Variants in PMCH observed in about 807,000 individuals in gnomAD.
PMCH encodes pro-melanin concentrating hormone.
In PMCH, 8 loss-of-function variants were observed where a neutral mutation model predicts 15.9. That is an observed-to-expected ratio of 0.50 (90% CI 0.29 to 0.91). The LOEUF (loss-of-function observed/expected upper bound fraction) is 0.91, where lower values mean the gene tolerates loss of function less well. Among genes scored for constraint, PMCH ranks in the 40% least tolerant of loss-of-function variants. The pLI is 0.07. For synonymous variants in PMCH, 73 were observed against 63.8 expected (o/e 1.14, Z -0.69); for missense variants, 169 against 185.7 (o/e 0.91, Z 0.52).
chr12:102,197,104 A>T lies in PMCH; in HGVS notation c.317T>A (p.Leu106His). Residue 106 changes from leucine to histidine, a missense_variant, in exon 2 of 3, where the codon CTT becomes CAT. Physicochemically the swap from Leu to His is moderately conservative, Grantham distance 99. Coordinates refer to ENST00000329406, the MANE Select transcript of PMCH (RefSeq NM_002674.4). ...LPLNLAIKPY[L>H]ALKGSVAFPA... ...GAAAGCTACAGATCCTTTTAGTGCA[A>T]GATAAGGTTTTATAGCCAGATTCAG... 1 of 1,612,308 alleles carries T rather than the reference A, an allele frequency of 6.2e-7. No individual in the cohort carries two copies. Among genetic ancestry groups the T allele is most frequent in the East Asian group, 2.2e-5 (1 of 44,802 alleles).
Position 102,197,184 on chromosome 12 carries a change from G to T in PMCH, c.250-13C>A. On this transcript the variant is annotated splice_polypyrimidine_tract_variant and intron_variant, in intron 1 of 2. Coordinates refer to ENST00000329406, the MANE Select transcript of PMCH (RefSeq NM_002674.4). ...TGGAGCCTGTGTTCTGTAAAGAGAAGGTTGATTTGGTTTTTAGCTATCGTA... is the reference window on the plus strand; with the variant it reads ...TGGAGCCTGTGTTCTGTAAAGAGAATGTTGATTTGGTTTTTAGCTATCGTA... The T allele has an allele frequency of 6.3e-7, 1 of 1,598,880 alleles. No individual in the cohort carries two copies. The highest frequency in any genetic ancestry group is 8.6e-7 in the Non-Finnish European group (1 of 1,168,130).
rs1052832421 is a variant in PMCH, at chr12:102,196,532, A to G, written c.*120T>C. ...TCAGTTACTGATACATCTTAACACT[A>G]CTTTCTTTTAAAACAGACATTTAAC... On this transcript the variant is annotated 3_prime_UTR_variant, in exon 3 of 3. Coordinates refer to ENST00000329406, the MANE Select transcript of PMCH (RefSeq NM_002674.4). The G allele has an allele frequency of 7.3e-6, 6 of 817,752 alleles. No homozygotes were observed. The highest frequency in any genetic ancestry group is 1.1e-5 in the Non-Finnish European group (5 of 471,648). The allele number at this position is 817,752 out of a possible 1,614,324, so 50.7% of individuals were successfully genotyped here.
At chr12:102,197,251 G>C in intron 1 of PMCH, 80 bp from the exon 2 acceptor site, 3 of 1,177,524 alleles carry the variant, frequency 2.5e-6, no homozygotes, top group Non-Finnish European at 3.6e-6. Context: ...TATTCTTGTT[G>C]ATCAATTCAA....
rs754724347 is a variant in PMCH at position 102,197,048 on chromosome 12, A to T, written c.373T>A (p.Ser125Thr). ...PAENGVQNTE[S>T]TQEKREIGDE... is the part of the protein sequence containing the mutation. ...CCAATTTCTCTCTTTTCTTGTGTTG[A>T]TTCAGTATTCTGAACTCCATTCTCA... The change falls in exon 2 of 3, where the codon TCA (serine) becomes ACA (threonine). Residue 125 changes from serine to threonine, a missense_variant. Physicochemically the swap from Ser to Thr is moderately conservative, Grantham distance 58 (BLOSUM62 1). Coordinates refer to ENST00000329406, the MANE Select transcript of PMCH (RefSeq NM_002674.4). 1 of 1,612,080 alleles carries T rather than the reference A, an allele frequency of 6.2e-7. No individual in the cohort carries two copies. Among genetic ancestry groups the T allele is most frequent in the Non-Finnish European group, 8.5e-7 (1 of 1,178,666 alleles).
At chr12:102,197,350 T>C (rs1891405225) in intron 1 of PMCH, 172 bp downstream of exon 1, 4 of 809,888 alleles carry the variant, frequency 4.9e-6, no homozygotes, top group Non-Finnish European at 5.7e-6. Context: ...AGGTGTTTGC[T>C]GGGATGGAAG....
chr12:102,197,376 A>C (rs1891407456), intron 1 of PMCH, 146 bp downstream of exon 1: 1 of 845,198 alleles, frequency 1.2e-6, no homozygotes, highest in African/African-American at 1.7e-5. Flanking sequence ...CCTGGCATGT[A>C]AGAAATATCG....
intron 1 of PMCH, 88 bp downstream of exon 1, chr12:102,197,434 A>C: frequency 8.2e-7 from 1 of 1,219,616 alleles, no homozygotes; most frequent in Admixed American, 2.2e-5. Context: ...ACTTCTGTTT[A>C]TAAAAGTATC....
chr12:102,196,561 C>T lies in PMCH; in HGVS notation c.*91G>A. ...TCTTTTAAAACAGACATTTAACATA[C>T]ACAAGTTATAGTAGCAGTATGGGCT... is the stretch of plus-strand genomic sequence containing the variant. On this transcript the variant is annotated 3_prime_UTR_variant, in exon 3 of 3. Coordinates refer to ENST00000329406, the MANE Select transcript of PMCH (RefSeq NM_002674.4). 2 of 922,174 alleles carry T rather than the reference C, an allele frequency of 2.2e-6. No individual in the cohort carries two copies. Among genetic ancestry groups the T allele is most frequent in the Non-Finnish European group, 3.6e-6 (2 of 555,402 alleles). 57.1% of individuals were successfully genotyped at this position (922,174 alleles called of 1,614,324 possible).
Position 102,196,642 on chromosome 12 carries a change from C to T in PMCH, c.*10G>A. On this transcript the variant is annotated 3_prime_UTR_variant, in exon 3 of 3. Transcript: ENST00000329406. ...TTTTCTTCTGAAAAGATGATGTGGA[C>T]CAACAGGTATCAGACTTGCCAACAA... The T allele has an allele frequency of 6.3e-7, 1 of 1,599,094 alleles. No individual in the cohort carries two copies. The highest frequency in any genetic ancestry group is 8.6e-7 in the Non-Finnish European group (1 of 1,166,748).
At chr12:102,197,414 G>C in intron 1 of PMCH, 108 bp downstream of exon 1, 2 of 1,052,742 alleles carry the variant, frequency 1.9e-6, no homozygotes, top group Non-Finnish European at 2.8e-6. Context: ...TATTGTGACT[G>C]TTTGCATATA....
At position 102,197,213 on chromosome 12, in the gene PMCH, G is replaced by A. The variant is rs201464040; in HGVS notation, c.250-42C>T. On this transcript the variant is annotated intron_variant, in intron 1 of 2. Coordinates refer to ENST00000329406, the MANE Select transcript of PMCH (RefSeq NM_002674.4). ...GATTTGGTTTTTAGCTATCGTATTC[G>A]GAGTGGAACTATAATACAATTGTAT... is the stretch of plus-strand genomic sequence containing the variant. The A allele has an allele frequency of 3.8e-5, 52 of 1,386,528 alleles. No individual in the cohort carries two copies. The East Asian group carries it at 5.7e-4, about 15-fold the overall frequency. 85.9% of individuals were successfully genotyped at this position (1,386,528 alleles called of 1,614,324 possible).
rs771909727 is a variant in PMCH, at chr12:102,197,709, C to A, written c.62G>T (p.Gly21Val). ...GGACTTGGATGCTGAAAGTAAAATA[C>A]CTTGAGAAAACAAAGAAAAAGTTAG... Reference protein sequence around the residue: ...LILTFSLFSQGILLSASKSIR... With the variant: ...LILTFSLFSQVILLSASKSIR... Residue 21 changes from glycine to valine, a missense_variant, in exon 1 of 3, where the codon GGT becomes GTT. Transcript: ENST00000329406. 5.6e-5 allele frequency: 90 copies of A among 1,606,008 alleles called. No individual in the cohort carries two copies. The highest frequency in any genetic ancestry group is 1.6e-4 in the Middle Eastern group (1 of 6,062).
intron 1 of PMCH, 126 bp downstream of exon 1, chr12:102,197,396 C>G: frequency 1.1e-6 from 1 of 905,014 alleles, no homozygotes; most frequent in Non-Finnish European, 1.7e-6. Context: ...GTCAGTCGTC[C>G]TAATGCATAT....
In PMCH at chr12:102,197,746, A is replaced by G. The variant is rs749970596; in HGVS notation, c.25T>C (p.Tyr9His). 3.8e-6 allele frequency: 6 copies of G among 1,585,878 alleles called. No individual in the cohort carries two copies. The highest frequency in any genetic ancestry group is 4.3e-6 in the Non-Finnish European group (5 of 1,164,628). Residue 9 changes from tyrosine (Y) to histidine (H), a missense_variant, in exon 1 of 3, where the codon TAT (tyrosine) becomes CAT (histidine). Transcript: ENST00000329406. MAKMNLSS[Y>H]ILILTFSLFS... ...AAAGAAAAAGTTAGTATTAATATAT[A>G]GGAAGAGAGATTCATTTTTGCCATT...
chr12:102,197,119 G>T lies in PMCH; in HGVS notation c.302C>A (p.Ala101Asp), dbSNP rs1484831934. ...TTTTAGTGCAAGATAAGGTTTTATA[G>T]CCAGATTCAGTGGCAGACCATGATT... is the stretch of plus-strand genomic sequence containing the variant. ...FLNHGLPLNL[A>D]IKPYLALKGS... The change falls in exon 2 of 3, where the codon GCT (alanine) becomes GAT (aspartate). Residue 101 changes from alanine to aspartate, a missense_variant. Physicochemically the swap from Ala to Asp is moderately radical, Grantham distance 126 (BLOSUM62 -2). Coordinates refer to ENST00000329406, the MANE Select transcript of PMCH (RefSeq NM_002674.4). The T allele has an allele frequency of 6.2e-7, 1 of 1,612,120 alleles. No individual in the cohort carries two copies. Among genetic ancestry groups the T allele is most frequent in the Non-Finnish European group, 8.5e-7 (1 of 1,178,670 alleles).
Position 102,196,708 on chromosome 12 carries a change from G to A in PMCH, c.449-7C>T, listed in dbSNP as rs1891340552. The A allele has an allele frequency of 6.2e-7, 1 of 1,603,780 alleles. No individual in the cohort carries two copies. The stretch of plus-strand genomic sequence containing the variant: ...CCCAGCATACATCTGAGCACTGAAG[G>A]AAGAAGAAAGTTTAAATTGTTTAAA... On this transcript the variant is annotated splice_polypyrimidine_tract_variant and splice_region_variant and intron_variant, in intron 2 of 2. Transcript: ENST00000329406.
Position 102,196,626 on chromosome 12 carries a change from GA to G in PMCH, c.*25del. 1 of 1,571,994 alleles carries G rather than the reference GA, an allele frequency of 6.4e-7. No homozygotes were observed. ...CAATTAAATGCTTTTATTTTCTTCT[GA>G]AAAGATGATGTGGACCAACAGGTAT... is the stretch of plus-strand genomic sequence containing the variant. On this transcript the variant is annotated 3_prime_UTR_variant, in exon 3 of 3. Transcript: ENST00000329406.
In PMCH at chr12:102,197,613, G is replaced by A. The variant is rs1273573247; in HGVS notation, c.158C>T (p.Thr53Ile). The A allele has an allele frequency of 6.2e-6, 10 of 1,611,522 alleles. No homozygotes were observed. Among genetic ancestry groups the A allele is most frequent in the Non-Finnish European group, 8.5e-6 (10 of 1,178,316 alleles). ...AGGAGCAATAACTGATTTTTCTGCA[G>A]TGTCTTCCTTCTGAAAGCCTTTCCC... ...RLGKGFQKED[T>I]AEKSVIAPSL... Residue 53 changes from threonine (T) to isoleucine (I), a missense_variant, in exon 1 of 3, where the codon ACT (threonine) becomes ATT (isoleucine). Thr to Ile is a moderately conservative substitution (Grantham distance 89, BLOSUM62 -1). Coordinates refer to ENST00000329406, the MANE Select transcript of PMCH (RefSeq NM_002674.4).
chr12:102,197,208 T>C, intron 1 of PMCH, 37 bp from the exon 2 acceptor site: 14 of 1,446,606 alleles, frequency 9.7e-6, no homozygotes, highest in Non-Finnish European at 1.4e-5. Flanking sequence ...TTAGCTATCG[T>C]ATTCGGAGTG....
Sources: gnomAD v4.1 joint callset for allele counts on GRCh38, gnomAD v4.1.1 for gene constraint, MANE v1.5 for transcripts, NCBI Gene and HGNC (gene_info 2026-07-23, HGNC 2026-07-21) for gene names.